The following SEPSECS variants were observed in gnomAD, a reference collection of about 807,000 sequenced individuals.
The protein encoded by SEPSECS is Sep (O-phosphoserine) tRNA:Sec (selenocysteine) tRNA synthase, also known as O-phosphoseryl-tRNA(Sec) selenium transferase.
Under a neutral mutation model 52.1 loss-of-function variants are expected in SEPSECS, and 42 were observed. The ratio of observed to expected loss-of-function variants is 0.81; its 90% CI spans 0.63 to 1.04. The LOEUF (loss-of-function observed/expected upper bound fraction) is 1.04. Among genes scored for constraint, SEPSECS ranks in the 50% least tolerant of loss-of-function variants. The pLI, the probability that SEPSECS is intolerant of heterozygous loss-of-function variation, is 0.00. For synonymous variants in SEPSECS, 216 were observed against 211.4 expected (o/e 1.02, Z -0.19); for missense variants, 590 against 610.6 (o/e 0.97, Z 0.36).
At chr4:25,154,801 T>C (rs940467239) in intron 5 of SEPSECS, among the ~76,000 whole-genome samples, 197 bp downstream of exon 5, 5 of 152,224 alleles carry the variant, frequency 3.3e-5, no homozygotes, top group Non-Finnish European at 5.9e-5. Context: ...CCTGTACTAA[T>C]TGTTTTTCCT....
In SEPSECS at chr4:25,159,971, A is replaced by C. The variant is rs1300668215; in HGVS notation, c.114+285T>G. On this transcript the variant is annotated intron_variant, in intron 1 of 10. Transcript: ENST00000382103. ...GCCCTTTCCGCGAATAAAAAAGTAC[A>C]CTGGGACTTTCCCTCACTTCCGCAT... is the stretch of plus-strand genomic sequence containing the variant. 13 of 985,226 alleles carry C rather than the reference A, an allele frequency of 1.3e-5. No homozygotes were observed. In the South Asian group the frequency reaches 5.2e-4, roughly 39 times the overall value. 61.0% of individuals were successfully genotyped at this position (985,226 alleles called of 1,614,324 possible).
chr4:25,125,611 G>A, intron 10 of SEPSECS, 83 bp downstream of exon 10: 3 of 831,778 alleles, frequency 3.6e-6, no homozygotes, highest in African/African-American at 1.7e-5. Context: ...ATATACTTGG[G>A]GGACTATTGT....
chr4:25,155,291 C>T (rs1712554395), intron 4 of SEPSECS, 140 bp from the exon 5 acceptor site: 1 of 905,914 alleles, frequency 1.1e-6, no homozygotes, highest in Admixed American at 2.0e-5. Flanking sequence ...GTAATAAATA[C>T]ACGGCTCAGT....
At position 25,160,438 on chromosome 4, in the gene SEPSECS, A is replaced by G. The variant is rs1333000998; in HGVS notation, c.-69T>C. On this transcript the variant is annotated 5_prime_UTR_variant, in exon 1 of 11. Coordinates refer to ENST00000382103, the MANE Select transcript of SEPSECS (RefSeq NM_016955.4). ...CACACGCCAGACACACGACGGAACC[A>G]GAATGCAACTCGCCGCCTGGACGGT... The G allele has an allele frequency of 2.3e-6, 3 of 1,288,442 alleles. No individual in the cohort carries two copies. Among genetic ancestry groups the G allele is most frequent in the Non-Finnish European group, 3.3e-6 (3 of 922,920 alleles). 79.8% of individuals were successfully genotyped at this position (1,288,442 alleles called of 1,614,324 possible).
chr4:25,154,589 A>G (rs184788106), intron 5 of SEPSECS, among the ~76,000 whole-genome samples: 2 of 152,326 alleles, frequency 1.3e-5, no homozygotes, highest in Admixed American at 1.3e-4. Context: ...CCAATTACAG[A>G]AATTTGAAAG....
At position 25,120,757 on chromosome 4, in the gene SEPSECS, CAG is replaced by C. The variant is rs1487413798; in HGVS notation, c.*3172_*3173del. ...CCAAAAACTTTCTCCGAGTATGAGTCAGACTCACCAGAGCTTTATTATTGTTG... is the reference window on the plus strand; with the variant it reads ...CCAAAAACTTTCTCCGAGTATGAGTCACTCACCAGAGCTTTATTATTGTTG... On this transcript the variant is annotated 3_prime_UTR_variant, in exon 11 of 11. Transcript: ENST00000382103. 6.6e-6 allele frequency: 1 copy of C among 152,176 alleles called. No homozygotes were observed. The highest frequency in any genetic ancestry group is 2.4e-5 in the African/African-American group (1 of 41,458). The allele number at this position is 152,176 out of a possible 1,614,324, so 9.4% of individuals were successfully genotyped here.
intron 7 of SEPSECS, 39 bp from the exon 8 acceptor site, chr4:25,144,904 G>C (rs542089308): frequency 1.9e-6 from 3 of 1,588,714 alleles, no homozygotes; most frequent in South Asian, 2.2e-5. Flanking sequence ...GACTGTGGTG[G>C]GGGGGTAGCT....
At position 25,156,871 on chromosome 4, in the gene SEPSECS, T is replaced by C. The variant is rs749054120; in HGVS notation, c.373A>G (p.Ile125Val). 1.9e-6 allele frequency: 3 copies of C among 1,592,140 alleles called. No homozygotes were observed. Among genetic ancestry groups the C allele is most frequent in the Admixed American group, 1.7e-5 (1 of 59,998 alleles). ...NKITNSLVLD[I>V]IKLAGVHTVA... ...CGGTACATACCAGCCAGCTTTATAATGTCCAGGACCAAAGAATTGGTAATT... is the reference window on the plus strand; with the variant it reads ...CGGTACATACCAGCCAGCTTTATAACGTCCAGGACCAAAGAATTGGTAATT... Residue 125 changes from isoleucine (I) to valine (V), a missense_variant, in exon 3 of 11, where the codon ATT becomes GTT. Ile to Val is a conservative substitution (Grantham distance 29, BLOSUM62 3). Transcript: ENST00000382103.
At chr4:25,125,584 C>T (rs562930979) in intron 10 of SEPSECS, 110 bp downstream of exon 10, 20 of 746,486 alleles carry the variant, frequency 2.7e-5, no homozygotes, top group South Asian at 1.3e-4. Flanking sequence ...ATGATGAATT[C>T]GCAGGTATAG....
At chr4:25,125,866 G>T in intron 9 of SEPSECS, 82 bp from the exon 10 acceptor site, 1 of 844,266 alleles carries the variant, frequency 1.2e-6, no homozygotes, top group Non-Finnish European at 2.0e-6. Context: ...TAATGATGAA[G>T]GCATTACTTT....
At chr4:25,126,264 T>C (rs1203618496) in intron 9 of SEPSECS, among the ~76,000 whole-genome samples, 5 of 152,132 alleles carry the variant, frequency 3.3e-5, no homozygotes, top group Non-Finnish European at 2.9e-5. Flanking sequence ...CTCGCCATGC[T>C]AGATGCTTCA....
rs150309842 is a variant in SEPSECS, at chr4:25,145,019, T to G, written c.919A>C (p.Ser307Arg). ...GFNDSFIQEI[S>R]KMYPGRASAS... Reference sequence around the variant, plus strand: ...ATTTATTTACCTGGATACATCTTGCTGATTTCCTGAATGAATGAATCATTA... The same window carrying G: ...ATTTATTTACCTGGATACATCTTGCGGATTTCCTGAATGAATGAATCATTA... Residue 307 changes from serine to arginine, a missense_variant, in exon 7 of 11, where the codon AGC becomes CGC. Ser to Arg is a moderately radical substitution (Grantham distance 110). Transcript: ENST00000382103. The G allele has an allele frequency of 3.7e-6, 6 of 1,613,906 alleles. No homozygotes were observed. The highest frequency in any genetic ancestry group is 1.7e-5 in the Admixed American group (1 of 59,998).
Position 25,122,559 on chromosome 4 carries a change from C to G in SEPSECS, c.*1372G>C, listed in dbSNP as rs1728171467. ...TTATTTAGTGAAGGAATTCTTAGAG[C>G]CTTCAATATGCCAACAGGCAGGTTT... On this transcript the variant is annotated 3_prime_UTR_variant, in exon 11 of 11. Coordinates refer to ENST00000382103, the MANE Select transcript of SEPSECS (RefSeq NM_016955.4). The G allele has an allele frequency of 6.6e-6, 1 of 152,150 alleles. No homozygotes were observed. Among genetic ancestry groups the G allele is most frequent in the Non-Finnish European group, 1.5e-5 (1 of 68,004 alleles). The allele number at this position is 152,150 out of a possible 1,614,324, so 9.4% of individuals were successfully genotyped here. A position where few individuals can be genotyped will look rare whatever the true frequency, so the allele number is the denominator to read the frequency against.
chr4:25,130,995 TTTAAC>T (rs1297911599), intron 8 of SEPSECS, among the ~76,000 whole-genome samples: 30 of 152,342 alleles, frequency 2.0e-4, no homozygotes, highest in African/African-American at 6.7e-4. Flanking sequence ...CTGTGCTGTA[TTTAAC>T]TTAATTTTAA....
Position 25,127,373 on chromosome 4 carries a change from GTCACAT to G in SEPSECS, c.1027-22_1027-17del. On this transcript the variant is annotated splice_polypyrimidine_tract_variant and intron_variant, in intron 8 of 10. Transcript: ENST00000382103. Reference sequence around the variant, plus strand: ...AAAACATTTCCTGCAACAACAAAATGTCACATTTAAAACAAATCAAATATCTACTGC... The same window carrying G: ...AAAACATTTCCTGCAACAACAAAATGTTAAAACAAATCAAATATCTACTGC... The G allele has an allele frequency of 6.3e-7, 1 of 1,575,422 alleles. No homozygotes were observed. Among genetic ancestry groups the G allele is most frequent in the Non-Finnish European group, 8.7e-7 (1 of 1,145,712 alleles).
rs1332689070 is a variant in SEPSECS at position 25,123,529 on chromosome 4, G to GT, written c.*401dup. 3 of 213,034 alleles carry GT rather than the reference G, an allele frequency of 1.4e-5. No individual in the cohort carries two copies. The highest frequency in any genetic ancestry group is 7.0e-5 in the African/African-American group (3 of 42,912). 13.2% of individuals were successfully genotyped at this position (213,034 alleles called of 1,614,324 possible). On this transcript the variant is annotated 3_prime_UTR_variant, in exon 11 of 11. Transcript: ENST00000382103. ...ACTTACACATCTCAACAAACAACTA[G>GT]TAACTAGTGGCCTAAGAGATCTTTC...
rs1728144593 is a variant in SEPSECS, at chr4:25,121,955, C to G, written c.*1976G>C. 6.6e-6 allele frequency: 1 copy of G among 152,128 alleles called. No homozygotes were observed. The highest frequency in any genetic ancestry group is 1.5e-5 in the Non-Finnish European group (1 of 67,996). 9.4% of individuals were successfully genotyped at this position (152,128 alleles called of 1,614,324 possible). A position where few individuals can be genotyped will look rare whatever the true frequency, so the allele number is the denominator to read the frequency against. On this transcript the variant is annotated 3_prime_UTR_variant, in exon 11 of 11. Coordinates refer to ENST00000382103, the MANE Select transcript of SEPSECS (RefSeq NM_016955.4). ...AATATAGATCACTTGTTCTATAAAACAATTTTGGCTTACATGTATAGCAAG... is the reference window on the plus strand; with the variant it reads ...AATATAGATCACTTGTTCTATAAAAGAATTTTGGCTTACATGTATAGCAAG...
At position 25,125,716 on chromosome 4, in the gene SEPSECS, T is replaced by G; in HGVS notation, c.1189A>C (p.Thr397Pro). The G allele has an allele frequency of 6.2e-7, 1 of 1,612,552 alleles. No individual in the cohort carries two copies. Among genetic ancestry groups the G allele is most frequent in the Non-Finnish European group, 8.5e-7 (1 of 1,178,954 alleles). The stretch of plus-strand genomic sequence containing the variant: ...TACCTGGCTCCAGAAACCTGTCTGG[T>G]AAAAAGCATCGAGCCAAGCTGAGTG... ...AVTQLGSMLF[T>P]RQVSGARVVP... The change falls in exon 10 of 11, where the codon ACC becomes CCC. Residue 397 changes from threonine (T) to proline (P), a missense_variant. Physicochemically the swap from Thr to Pro is conservative, Grantham distance 38 (BLOSUM62 -1). Transcript: ENST00000382103.
Position 25,156,042 on chromosome 4 carries a change from G to C in SEPSECS, c.542C>G (p.Thr181Ser), listed in dbSNP as rs1328099806. Residue 181 changes from threonine (T) to serine (S), a missense_variant, in exon 4 of 11, where the codon ACT becomes AGT. By Grantham distance (58) the Thr-to-Ser change is moderately conservative. Coordinates refer to ENST00000382103, the MANE Select transcript of SEPSECS (RefSeq NM_016955.4). ...DQKSCFKSMI[T>S]AGFEPVVIEN... ...ATGTATGACACTTCTCTTACCTGCA[G>C]TGATCATGGATTTAAAGCAGGACTT... 6.2e-7 allele frequency: 1 copy of C among 1,613,302 alleles called. No homozygotes were observed. The highest frequency in any genetic ancestry group is 8.5e-7 in the Non-Finnish European group (1 of 1,179,454).
Sources: allele counts gnomAD v4.1 joint callset (sites outside exome capture counted in the v4.1 genomes callset), GRCh38; gene constraint gnomAD v4.1.1; transcripts MANE v1.5; gene names NCBI Gene and HGNC (gene_info 2026-07-23, HGNC 2026-07-21).